The following GRIK3 variants were observed in gnomAD, a reference collection of about 807,000 sequenced individuals.
GRIK3 encodes glutamate receptor ionotropic, kainate 3.
A neutral mutation model predicts 102.5 loss-of-function variants in GRIK3; 29 were observed. The ratio of observed to expected loss-of-function variants is 0.28; its 90% CI spans 0.21 to 0.39. The LOEUF is 0.39. Among genes scored for constraint, GRIK3 ranks in the 10% least tolerant of loss-of-function variants. The probability of loss-of-function intolerance (pLI) is 1.00; values close to 1 mark genes in which losing one functional copy is unlikely to be tolerated. For missense variants in GRIK3, 908 were observed against 1,252.4 expected (o/e 0.73, Z 4.15); for synonymous variants, 511 against 504.9 (o/e 1.01, Z -0.16).
At chr1:36,808,260 C>T (rs1642522273) in intron 13 of GRIK3, among the ~76,000 whole-genome samples, 1 of 152,228 alleles carries the variant, frequency 6.6e-6, no homozygotes, top group Non-Finnish European at 1.5e-5. Flanking sequence ...ACGCTGTCTC[C>T]CCAGATTCTC....
chr1:36,836,989 C>G lies in GRIK3; in HGVS notation c.1530+4747G>C, dbSNP rs550130352. Among the ~76,000 whole-genome samples the G allele has an allele frequency of 9.2e-5, 14 of 152,186 alleles. No individual in the cohort carries two copies. The East Asian group carries it at 2.3e-3, about 25-fold the overall frequency. ...CCTTGAGGCCACTGACCCTCCCCCC[C>G]TTTCTAGTAGCCTCTCTTCCTTGGG... On this transcript the variant is annotated intron_variant, in intron 10 of 15. Coordinates refer to ENST00000373091, the MANE Select transcript of GRIK3 (RefSeq NM_000831.4).
At chr1:36,955,486 T>C (rs1238037340) in intron 1 of GRIK3, among the ~76,000 whole-genome samples, 2 of 151,990 alleles carry the variant, frequency 1.3e-5, no homozygotes, top group Non-Finnish European at 2.9e-5. Context: ...GCCCCGCACA[T>C]CACTCAAACC....
intron 1 of GRIK3, among the ~76,000 whole-genome samples, chr1:36,991,458 G>A (rs1642362513): frequency 1.3e-5 from 2 of 152,302 alleles, no homozygotes; most frequent in African/African-American, 2.4e-5. Context: ...CCTCAGCCCA[G>A]CCTCCCTAGC....
chr1:36,935,607 A>C (rs1158442725), intron 1 of GRIK3, among the ~76,000 whole-genome samples: 1 of 152,050 alleles, frequency 6.6e-6, no homozygotes, highest in African/African-American at 2.4e-5. Context: ...CACAAGCATT[A>C]GAGATATGGA....
intron 1 of GRIK3, among the ~76,000 whole-genome samples, chr1:36,919,388 T>C (rs1288959929): frequency 6.8e-6 from 1 of 146,384 alleles, no homozygotes; most frequent in Admixed American, 6.8e-5. Context: ...ATTATTATTA[T>C]ACTTTAAGTT....
Position 36,859,930 on chromosome 1 carries a change from C to T in GRIK3, c.874G>A (p.Val292Ile), listed in dbSNP as rs373548070. Residue 292 changes from valine to isoleucine, a missense_variant, in exon 6 of 16, where the codon GTC (valine) becomes ATC (isoleucine). Physicochemically the swap from Val to Ile is conservative, Grantham distance 29. Transcript: ENST00000373091. ...FRILNVDNPHVSAIVEKWSME... is the reference protein window; with the variant it reads ...FRILNVDNPHISAIVEKWSME... ...GACCACTTCTCCACAATGGCCGAGA[C>T]GTGTGGGTTGTCCACATTGAGAATC... 12 of 1,613,590 alleles carry T rather than the reference C, an allele frequency of 7.4e-6. No homozygotes were observed. Among genetic ancestry groups the T allele is most frequent in the East Asian group, 2.2e-5 (1 of 44,872 alleles).
At chr1:36,855,245 T>A (rs1466597540) in intron 7 of GRIK3, among the ~76,000 whole-genome samples, 1 of 152,128 alleles carries the variant, frequency 6.6e-6, no homozygotes, top group African/African-American at 2.4e-5. Context: ...CTTTGCCGCA[T>A]TGGGTTCCTA....
chr1:36,953,742 G>A (rs564736699), intron 1 of GRIK3, among the ~76,000 whole-genome samples: 100 of 152,094 alleles, frequency 6.6e-4, no homozygotes, highest in Non-Finnish European at 1.2e-3. Context: ...GAGTGCCTTT[G>A]AGATGTCCAA....
rs1453692980 is a variant in GRIK3 at position 36,958,314 on chromosome 1, C to A, written c.116-67218G>T. On this transcript the variant is annotated intron_variant, in intron 1 of 15. Coordinates refer to ENST00000373091, the MANE Select transcript of GRIK3 (RefSeq NM_000831.4). ...TCTGTGCCCCCTGAGTCTGTGTGCC[C>A]GGTGAGTCTGTGCCCCATGAGCCTG... Among the ~76,000 whole-genome samples, 4 of 84,026 alleles carry A rather than the reference C, an allele frequency of 4.8e-5. No homozygotes were observed. The East Asian group carries it at 1.7e-3, about 35-fold the overall frequency. The allele number at this position is 84,026 out of a possible 152,430, so 55.1% of individuals were successfully genotyped here.
intron 1 of GRIK3, among the ~76,000 whole-genome samples, chr1:37,030,373 C>T (rs1467731644): frequency 4.6e-5 from 7 of 152,130 alleles, no homozygotes; most frequent in African/African-American, 1.7e-4. Flanking sequence ...ACAGATGAGG[C>T]CGGTTTGGGA....
chr1:36,872,089 C>G lies in GRIK3; in HGVS notation c.732+99G>C, dbSNP rs1322972308. On this transcript the variant is annotated intron_variant, in intron 4 of 15. Transcript: ENST00000373091. The surrounding 1 kb of genome is among the most constrained non-coding windows in gnomAD (Gnocchi z 5.9). Reference sequence around the variant, plus strand: ...GAAAGTGGCAGAGCTAGGAGTCAAACTTAGATCTGGCAGCATCACACCCAC... The same window carrying G: ...GAAAGTGGCAGAGCTAGGAGTCAAAGTTAGATCTGGCAGCATCACACCCAC... 8.4e-7 allele frequency: 1 copy of G among 1,192,958 alleles called. No homozygotes were observed. Among genetic ancestry groups the G allele is most frequent in the Non-Finnish European group, 1.2e-6 (1 of 861,730 alleles). 73.9% of individuals were successfully genotyped at this position (1,192,958 alleles called of 1,614,324 possible). A position where few individuals can be genotyped will look rare whatever the true frequency, so the allele number is the denominator to read the frequency against.
chr1:36,854,548 G>A (rs527555334), intron 7 of GRIK3, among the ~76,000 whole-genome samples: 1 of 152,184 alleles, frequency 6.6e-6, no homozygotes. Context: ...CCTATGGCTA[G>A]CGGGTCAACC....
At chr1:36,852,787 G>C (rs1350068785) in intron 8 of GRIK3, among the ~76,000 whole-genome samples, 1 of 152,186 alleles carries the variant, frequency 6.6e-6, no homozygotes, top group African/African-American at 2.4e-5. Context: ...TTGGGGAGGT[G>C]CCCTTGTGGC....
In GRIK3 at chr1:36,799,783, T is replaced by C. The variant is rs1248256708; in HGVS notation, c.*2068A>G. 1 of 152,180 alleles carries C rather than the reference T, an allele frequency of 6.6e-6. No homozygotes were observed. Among genetic ancestry groups the C allele is most frequent in the Non-Finnish European group, 1.5e-5 (1 of 68,040 alleles). The allele number at this position is 152,180 out of a possible 1,614,324, so 9.4% of individuals were successfully genotyped here. On this transcript the variant is annotated 3_prime_UTR_variant, in exon 16 of 16. Coordinates refer to ENST00000373091, the MANE Select transcript of GRIK3 (RefSeq NM_000831.4). Reference sequence around the variant, plus strand: ...TCACTCAGATACACATACGCACGCATATGCACACATCAGATCCCCAAGGAT... The same window carrying C: ...TCACTCAGATACACATACGCACGCACATGCACACATCAGATCCCCAAGGAT...
chr1:37,005,292 C>T (rs1218830114), intron 1 of GRIK3, among the ~76,000 whole-genome samples: 1 of 152,174 alleles, frequency 6.6e-6, no homozygotes, highest in Admixed American at 6.5e-5. Context: ...CATCTCTGTC[C>T]CCACCTTGCA....
chr1:36,888,864 A>G (rs1301963304), intron 2 of GRIK3, among the ~76,000 whole-genome samples: 1 of 152,104 alleles, frequency 6.6e-6, no homozygotes, highest in Non-Finnish European at 1.5e-5. Flanking sequence ...TCTGGTTGTT[A>G]TAGTTATTGG....
intron 1 of GRIK3, among the ~76,000 whole-genome samples, chr1:36,933,181 G>T (rs1421784988): frequency 1.3e-5 from 2 of 152,136 alleles, no homozygotes; most frequent in Non-Finnish European, 2.9e-5. Context: ...AGGCTACACG[G>T]GCCAGGTGAC....
chr1:36,862,500 C>T (rs1474060985), intron 5 of GRIK3, among the ~76,000 whole-genome samples: 1 of 152,088 alleles, frequency 6.6e-6, no homozygotes, highest in African/African-American at 2.4e-5. Context: ...TGTGGTGGAG[C>T]CTGGAGTCTG....
intron 1 of GRIK3, among the ~76,000 whole-genome samples, chr1:36,906,649 C>G (rs1360168520): frequency 2.0e-5 from 1 of 50,878 alleles, no homozygotes; most frequent in Non-Finnish European, 8.7e-5. Flanking sequence ...GCTTTGTGGA[C>G]CAGATGGTTG....
Sources: gnomAD v4.1 joint callset for allele counts (sites outside exome capture counted in the v4.1 genomes callset) on GRCh38, gnomAD v4.1.1 for gene constraint, Gnocchi (gnomAD v3.1) non-coding constraint, MANE v1.5 for transcripts, NCBI Gene and HGNC (gene_info 2026-07-23, HGNC 2026-07-21) for gene names.